Variants in ARHGAP24 observed in about 807,000 individuals in gnomAD.
ARHGAP24 encodes the protein Rho GTPase activating protein 24.
Under a neutral mutation model 76.4 loss-of-function variants are expected in ARHGAP24, and 50 were observed. The observed-to-expected ratio is 0.65, with a 90% CI of 0.52 to 0.83. ARHGAP24 has a LOEUF of 0.83. ARHGAP24 is among the 40% of genes least tolerant of loss of function. ARHGAP24 has a pLI of 0.00. For synonymous variants in ARHGAP24, 345 were observed against 323.3 expected, an observed-to-expected ratio of 1.07 and a Z score of -0.72; for missense variants, 930 against 914.2, an observed-to-expected ratio of 1.02 and a Z score of -0.22.
At chr4:85,755,626 G>GTTTTCT (rs111410344) in intron 3 of ARHGAP24, among the ~76,000 whole-genome samples, 1 of 117,372 alleles carries the variant, frequency 8.5e-6, no homozygotes, top group African/African-American at 2.9e-5. Context: ...CTATTCTTTT[G>GTTTTCT]TTTTGTTTTG....
At chr4:85,810,957 C>A (rs934266541) in intron 3 of ARHGAP24, among the ~76,000 whole-genome samples, 4 of 152,164 alleles carry the variant, frequency 2.6e-5, no homozygotes, top group Non-Finnish European at 5.9e-5. Context: ...ATGAGTGAAC[C>A]TGATGGCTCA....
At chr4:85,680,954 C>T (rs1339649085) in intron 2 of ARHGAP24, among the ~76,000 whole-genome samples, 1 of 151,792 alleles carries the variant, frequency 6.6e-6, no homozygotes, top group African/African-American at 2.4e-5. Flanking sequence ...CCTAAAGTGA[C>T]AAATTTATAG....
At chr4:85,516,190 A>G (rs1424477509) in intron 1 of ARHGAP24, among the ~76,000 whole-genome samples, 2 of 152,170 alleles carry the variant, frequency 1.3e-5, no homozygotes, top group East Asian at 3.9e-4. Flanking sequence ...TGTGGGTGTG[A>G]GAGTGCACCT....
At chr4:85,695,337 G>A (rs1578147229) in intron 2 of ARHGAP24, among the ~76,000 whole-genome samples, 1 of 152,304 alleles carries the variant, frequency 6.6e-6, no homozygotes, top group East Asian at 1.9e-4. Flanking sequence ...GACAGGGTTT[G>A]CCTTCACCTA....
At chr4:85,834,612 T>C (rs1171275863) in intron 3 of ARHGAP24, among the ~76,000 whole-genome samples, 2 of 152,184 alleles carry the variant, frequency 1.3e-5, no homozygotes, top group African/African-American at 4.8e-5. Context: ...ATGACACACC[T>C]GTCAAAACGG....
At chr4:85,951,910 GTTA>G (rs920697385) in intron 5 of ARHGAP24, among the ~76,000 whole-genome samples, 16 of 151,890 alleles carry the variant, frequency 1.1e-4, no homozygotes, top group Non-Finnish European at 1.9e-4. Context: ...AAATCATAAA[GTTA>G]TTAAGTTTAA....
chr4:85,683,106 G>GT (rs1379097813), intron 2 of ARHGAP24, among the ~76,000 whole-genome samples: 3 of 97,422 alleles, frequency 3.1e-5, no homozygotes, highest in Non-Finnish European at 6.2e-5. Flanking sequence ...CTCTCTCAGT[G>GT]TGTGGGGGGG....
At chr4:85,485,641 T>A (rs1484731171) in intron 1 of ARHGAP24, among the ~76,000 whole-genome samples, 2 of 151,632 alleles carry the variant, frequency 1.3e-5, no homozygotes, top group African/African-American at 2.4e-5. Flanking sequence ...TCAGTCTCCT[T>A]ACCTGTAAAA....
intron 3 of ARHGAP24, among the ~76,000 whole-genome samples, chr4:85,841,373 T>C (rs985159633): frequency 4.6e-5 from 7 of 152,198 alleles, no homozygotes; most frequent in African/African-American, 1.4e-4. Flanking sequence ...ACTGTGTTGA[T>C]TGTAGTTCCA....
chr4:85,725,900 TCA>T (rs1725149610), intron 3 of ARHGAP24, among the ~76,000 whole-genome samples: 3 of 152,114 alleles, frequency 2.0e-5, no homozygotes, highest in Admixed American at 6.6e-5. Context: ...CCCAGCAAGG[TCA>T]GTGGCTTGCC....
chr4:85,482,614 A>G (rs1012539613), intron 1 of ARHGAP24, among the ~76,000 whole-genome samples: 1 of 152,222 alleles, frequency 6.6e-6, no homozygotes, highest in Non-Finnish European at 1.5e-5. Flanking sequence ...AAATCCAGAG[A>G]CAGTACCGGG....
intron 2 of ARHGAP24, among the ~76,000 whole-genome samples, chr4:85,648,628 C>T (rs1363793093): frequency 6.6e-6 from 1 of 151,974 alleles, no homozygotes; most frequent in Admixed American, 6.6e-5. Context: ...AATCATAAAC[C>T]AAATATGTCA....
rs1221573860 is a variant in ARHGAP24, at chr4:85,854,339, T to G, written c.269-69309T>G. 2.0e-5 allele frequency among the ~76,000 whole-genome samples: 3 copies of G among 152,144 alleles called. No individual in the cohort carries two copies. In the East Asian group the frequency reaches 5.8e-4, roughly 29 times the overall value. Reference sequence around the variant, plus strand: ...TGAACTGAAGACTTATAGACAATATTTAGGTTCAAAGGCCTTTTCAGATAA... The same window carrying G: ...TGAACTGAAGACTTATAGACAATATGTAGGTTCAAAGGCCTTTTCAGATAA... On this transcript the variant is annotated intron_variant, in intron 3 of 9. Coordinates refer to ENST00000395184, the MANE Select transcript of ARHGAP24 (RefSeq NM_001025616.3).
intron 1 of ARHGAP24, among the ~76,000 whole-genome samples, chr4:85,513,603 G>A (rs113061750): frequency 0.018 from 2,768 of 151,552 alleles, 77 homozygotes; most frequent in African/African-American, 0.063. Context: ...CTGGTCTCTT[G>A]GTCAGGATTC....
chr4:85,977,817 C>G, intron 8 of ARHGAP24, 126 bp downstream of exon 8: 2 of 1,167,022 alleles, frequency 1.7e-6, no homozygotes, highest in Non-Finnish European at 2.5e-6. Flanking sequence ...CGTTTATTAA[C>G]TGAAGTTCTT....
At chr4:85,596,615 C>T (rs537066188) in intron 2 of ARHGAP24, among the ~76,000 whole-genome samples, 5 of 152,088 alleles carry the variant, frequency 3.3e-5, no homozygotes, top group Non-Finnish European at 7.4e-5. Context: ...TCTTAATTGT[C>T]TCCCAGTTTT....
intron 3 of ARHGAP24, among the ~76,000 whole-genome samples, chr4:85,885,151 G>T (rs529802721): frequency 6.6e-6 from 1 of 152,154 alleles, no homozygotes; most frequent in South Asian, 2.1e-4. Flanking sequence ...TTAGGATTTA[G>T]TTTCTTTTTG....
At chr4:85,523,923 C>A (rs1246975205) in intron 1 of ARHGAP24, among the ~76,000 whole-genome samples, 1 of 151,960 alleles carries the variant, frequency 6.6e-6, no homozygotes, top group African/African-American at 2.4e-5. Flanking sequence ...AAACAAATTT[C>A]TTGCTGACTC....
chr4:85,531,912 A>T (rs1445568842), intron 1 of ARHGAP24, among the ~76,000 whole-genome samples: 1 of 152,038 alleles, frequency 6.6e-6, no homozygotes, highest in Admixed American at 6.6e-5. Flanking sequence ...TTTTATTTTT[A>T]CCTATTTATT....
Sources: gnomAD v4.1 joint callset for allele counts (sites outside exome capture counted in the v4.1 genomes callset) on GRCh38, gnomAD v4.1.1 for gene constraint, MANE v1.5 for transcripts, NCBI Gene and HGNC (gene_info 2026-07-23, HGNC 2026-07-21) for gene names.